Variants in SBF2 observed in about 807,000 individuals in gnomAD.
SBF2 encodes the protein SET binding factor 2, also known as myotubularin-related protein 13.
In SBF2, 112 loss-of-function variants were observed where a neutral mutation model predicts 225.2. The ratio of observed to expected loss-of-function variants is 0.50; its 90% CI spans 0.43 to 0.58. The LOEUF is 0.58. Among genes scored for constraint, SBF2 ranks in the 20% least tolerant of loss-of-function variants. SBF2 has a pLI of 0.00. For missense variants in SBF2, 1,996 were observed against 2,206.2 expected (o/e 0.90, Z 1.91); for synonymous variants, 763 against 773.3 (o/e 0.99, Z 0.22).
intron 13 of SBF2, among the ~76,000 whole-genome samples, chr11:9,971,006 G>T (rs536081337): frequency 6.6e-6 from 1 of 152,176 alleles, no homozygotes; most frequent in African/African-American, 2.4e-5. Context: ...GTTCTTCTCT[G>T]TTCTTTAGGC....
chr11:10,137,354 T>G (rs539528338), intron 2 of SBF2, among the ~76,000 whole-genome samples: 3 of 152,208 alleles, frequency 2.0e-5, no homozygotes, highest in Non-Finnish European at 4.4e-5. Context: ...GGGACAGATT[T>G]ATTCCTTCCA....
At chr11:9,978,645 GTTTGTT>G (rs1198350851) in intron 13 of SBF2, among the ~76,000 whole-genome samples, 1 of 93,952 alleles carries the variant, frequency 1.1e-5, no homozygotes, top group Non-Finnish European at 2.3e-5. Context: ...GTTTTTGTTT[GTTTGTT>G]TTTGTTTTTG....
chr11:9,846,255 A>G (rs1040348148), intron 23 of SBF2, among the ~76,000 whole-genome samples: 2 of 152,242 alleles, frequency 1.3e-5, no homozygotes, highest in Admixed American at 6.5e-5. Context: ...AAAGATCAGC[A>G]GCCTTACATT....
intron 2 of SBF2, among the ~76,000 whole-genome samples, chr11:10,185,680 A>C (rs1047247826): frequency 2.7e-5 from 4 of 149,984 alleles, no homozygotes; most frequent in African/African-American, 9.8e-5. Context: ...TGGTGGCTTT[A>C]ATATGCATTT....
chr11:10,259,987 T>G (rs891717337), intron 1 of SBF2, among the ~76,000 whole-genome samples: 1 of 152,222 alleles, frequency 6.6e-6, no homozygotes, highest in African/African-American at 2.4e-5. Flanking sequence ...CATATTAATT[T>G]CACTCCATAT....
chr11:9,847,027 T>C lies in SBF2; in HGVS notation c.2863A>G (p.Lys955Glu), dbSNP rs1856598871. 1 of 1,613,888 alleles carries C rather than the reference T, an allele frequency of 6.2e-7. No homozygotes were observed. The highest frequency in any genetic ancestry group is 8.5e-7 in the Non-Finnish European group (1 of 1,179,760). ...FPIASITKEK[K>E]ITMQNQLQQN... ...TGTAGCTGGTTCTGCATTGTAATCT[T>C]CTTCTCCTTGGTGATGGAGGCAATG... Residue 955 changes from lysine to glutamate, a missense_variant, in exon 23 of 40, where the codon AAG becomes GAG. Coordinates refer to ENST00000256190, the MANE Select transcript of SBF2 (RefSeq NM_030962.4).
intron 2 of SBF2, among the ~76,000 whole-genome samples, chr11:10,155,191 T>C (rs1591082932): frequency 6.6e-6 from 1 of 152,230 alleles, no homozygotes; most frequent in South Asian, 2.1e-4. Context: ...AATTCAGTAA[T>C]TGTTTCACTA....
intron 2 of SBF2, among the ~76,000 whole-genome samples, chr11:10,134,756 C>A (rs200538999): frequency 1.3e-5 from 2 of 152,164 alleles, no homozygotes; most frequent in Non-Finnish European, 2.9e-5. Context: ...TGGGCAGCTC[C>A]GCCCCTGTGG....
intron 29 of SBF2, among the ~76,000 whole-genome samples, chr11:9,814,570 TAAAG>T (rs1400113255): frequency 2.6e-5 from 4 of 152,170 alleles, no homozygotes; most frequent in African/African-American, 9.7e-5. Context: ...ATACAGAAGA[TAAAG>T]AAACCTAAAC....
chr11:10,206,463 CATTACACCA>C (rs2135369958), intron 1 of SBF2, among the ~76,000 whole-genome samples: 1 of 151,832 alleles, frequency 6.6e-6, no homozygotes, highest in Non-Finnish European at 1.5e-5. Context: ...AAAAAGCACC[CATTACACCA>C]AGAACCAGAA....
intron 2 of SBF2, among the ~76,000 whole-genome samples, chr11:10,160,699 T>G (rs530236813): frequency 2.6e-5 from 4 of 152,322 alleles, no homozygotes; most frequent in South Asian, 4.1e-4. Flanking sequence ...TTAATGATAT[T>G]CTGAAAGAAC....
chr11:10,116,134 A>G (rs1454581289), intron 2 of SBF2, among the ~76,000 whole-genome samples: 2 of 152,172 alleles, frequency 1.3e-5, no homozygotes, highest in Non-Finnish European at 2.9e-5. Context: ...ACGCCACTGC[A>G]CTCCAGCCTG....
In SBF2 at chr11:9,998,308, G is replaced by A; in HGVS notation, c.933C>T (p.Leu311=). ...KIPECIHLSS[L]PEPLLHQTQS... ...GAGTCTGATGTAGAAGTGGTTCTGG[G>A]AGGGAAGAGAGGTGAATACATTCGG... The change falls in exon 9 of 40, where the codon CTC becomes CTT. Residue 311 remains leucine, a synonymous_variant. Transcript: ENST00000256190. 1 of 1,608,942 alleles carries A rather than the reference G, an allele frequency of 6.2e-7. No homozygotes were observed. Among genetic ancestry groups the A allele is most frequent in the Non-Finnish European group, 8.5e-7 (1 of 1,175,456 alleles).
chr11:9,781,964 C>T (rs927054373), intron 38 of SBF2, among the ~76,000 whole-genome samples: 13 of 152,002 alleles, frequency 8.6e-5, no homozygotes, highest in Admixed American at 8.5e-4. Flanking sequence ...GTGGACGGAT[C>T]ACTTAAGCCC....
At chr11:10,167,686 T>C (rs1956025109) in intron 2 of SBF2, among the ~76,000 whole-genome samples, 1 of 152,202 alleles carries the variant, frequency 6.6e-6, no homozygotes, top group African/African-American at 2.4e-5. Flanking sequence ...TAGACTCTGT[T>C]TGGCAAAAAG....
chr11:9,796,300 G>C (rs1173049380), intron 32 of SBF2, among the ~76,000 whole-genome samples: 3 of 152,272 alleles, frequency 2.0e-5, no homozygotes, highest in Middle Eastern at 3.4e-3. Context: ...AGTAGTTAGT[G>C]AGCCCAAATT....
At chr11:9,895,349 T>C (rs1442519887) in intron 17 of SBF2, among the ~76,000 whole-genome samples, 5 of 152,236 alleles carry the variant, frequency 3.3e-5, no homozygotes, top group African/African-American at 1.2e-4. Context: ...TGGGTGGTTA[T>C]CTAATTCTTT....
intron 6 of SBF2, among the ~76,000 whole-genome samples, chr11:10,010,281 AT>A (rs1191616204): frequency 6.6e-6 from 1 of 152,076 alleles, no homozygotes; most frequent in Non-Finnish European, 1.5e-5. Context: ...TTTTGTTGCC[AT>A]TGCTTTTGGT....
chr11:10,128,480 C>A (rs1953867594), intron 2 of SBF2, among the ~76,000 whole-genome samples: 1 of 152,184 alleles, frequency 6.6e-6, no homozygotes, highest in Non-Finnish European at 1.5e-5. Flanking sequence ...ACAGTAAAAG[C>A]AGAGATTATA....
Sources: allele counts gnomAD v4.1 joint callset (sites outside exome capture counted in the v4.1 genomes callset), GRCh38; gene constraint gnomAD v4.1.1; transcripts MANE v1.5; gene names NCBI Gene and HGNC (gene_info 2026-07-23, HGNC 2026-07-21).